SCRIB: variants seen among roughly 807,000 people sequenced by gnomAD.
SCRIB encodes scribble planar cell polarity protein, also known as protein scribble homolog.
A neutral mutation model predicts 170.0 loss-of-function variants in SCRIB; 72 were observed. That is an observed-to-expected ratio of 0.42 (90% CI 0.35 to 0.52). The LOEUF is 0.52. SCRIB is among the 20% of genes least tolerant of loss of function. SCRIB has a pLI of 0.02. For missense variants in SCRIB, 2,475 were observed against 2,338.5 expected, an observed-to-expected ratio of 1.06 and a Z score of -1.20; for synonymous variants, 1,298 against 1,044.3, an observed-to-expected ratio of 1.24 and a Z score of -4.68.
rs2130052975 is a variant in SCRIB, at chr8:143,801,707, G to A, written c.3603+1676C>T. Among the ~76,000 whole-genome samples the A allele has an allele frequency of 1.3e-5, 2 of 152,344 alleles. 1 individual carries two copies. Among genetic ancestry groups the A allele is most frequent in the South Asian group, 4.1e-4 (2 of 4,828 alleles). ...CGGGAAGACGGAAGGACATGGGAAA[G>A]AGGTAGCAGTGACGGGGAAGGGGAG... On this transcript the variant is annotated intron_variant, in intron 24 of 36. Transcript: ENST00000356994.
rs1554636030 is a variant in SCRIB at position 143,804,901 on chromosome 8, G to A, written c.2751+33C>T. ...GGGCGCGGGGCGGGGCAGGGGGGAT[G>A]GGTGGGTGGGGCGGGGCCCCATCCC... On this transcript the variant is annotated intron_variant, in intron 20 of 36. Coordinates refer to ENST00000356994, the MANE Select transcript of SCRIB (RefSeq NM_182706.5). 4.6e-6 allele frequency: 7 copies of A among 1,526,178 alleles called. 1 individual carries two copies. In the South Asian group the frequency reaches 8.4e-5, roughly 18 times the overall value. The allele number at this position is 1,526,178 out of a possible 1,614,324, so 94.5% of individuals were successfully genotyped here.
intron 27 of SCRIB, among the ~76,000 whole-genome samples, chr8:143,794,681 G>C (rs1814863077): frequency 6.6e-6 from 1 of 151,762 alleles, no homozygotes; most frequent in Admixed American, 6.6e-5. Context: ...TCCCCTTGGG[G>C]ACATGTGCCT....
chr8:143,813,580 G>C, intron 4 of SCRIB, 54 bp from the exon 5 acceptor site: 1 of 1,612,344 alleles, frequency 6.2e-7, no homozygotes, highest in Admixed American at 1.7e-5. Flanking sequence ...TGGCAGCAGG[G>C]GCAGGGCCAA....
chr8:143,808,776 G>A lies in SCRIB; in HGVS notation c.1948C>T (p.His650Tyr), dbSNP rs1387406802. The A allele has an allele frequency of 4.3e-6, 7 of 1,610,816 alleles. No homozygotes were observed. Among genetic ancestry groups the A allele is most frequent in the Non-Finnish European group, 5.1e-6 (6 of 1,178,342 alleles). Residue 650 changes from histidine (H) to tyrosine (Y), a missense_variant, in exon 15 of 37, where the codon CAC becomes TAC. By Grantham distance (83) the His-to-Tyr change is moderately conservative. Around this residue, in one of 3 missense-constraint regions of SCRIB, gnomAD observed 1,966 missense variants for 1,742.9 expected, o/e 1.13. Transcript: ENST00000356994. ...VAPGGWHNGP[H>Y]APWAPRAQKE... is the part of the protein sequence containing the mutation. ...TGGGCCCGAGGAGCCCAGGGTGCGT[G>A]GGGGCCATTGTGCCAGCCCCCGGGA...
At position 143,791,829 on chromosome 8, in the gene SCRIB, C is replaced by T. The variant is rs782186216; in HGVS notation, c.4695+47G>A. ...GGGGTGGGGGCAGGCCAGACCCCAC[C>T]CCCATGCCTCGGGGGTGAAGGGAAG... On this transcript the variant is annotated intron_variant, in intron 34 of 36. Coordinates refer to ENST00000356994, the MANE Select transcript of SCRIB (RefSeq NM_182706.5). The T allele has an allele frequency of 2.4e-5, 37 of 1,526,206 alleles. 1 individual carries two copies. Among genetic ancestry groups the T allele is most frequent in the African/African-American group, 1.9e-4 (14 of 72,058 alleles). The allele number at this position is 1,526,206 out of a possible 1,614,324, so 94.5% of individuals were successfully genotyped here.
Position 143,807,624 on chromosome 8 carries a change from C to A in SCRIB, c.2116-10G>T. ...GGTCAAACGACACTCCCTGTTAGGA[C>A]AGGACCAGTGAGGCATGCAGGTTAG... On this transcript the variant is annotated splice_polypyrimidine_tract_variant and intron_variant, in intron 15 of 36. Transcript: ENST00000356994. 1 of 1,612,990 alleles carries A rather than the reference C, an allele frequency of 6.2e-7. No homozygotes were observed. The highest frequency in any genetic ancestry group is 1.1e-5 in the South Asian group (1 of 91,054).
rs1554632463 is a variant in SCRIB, at chr8:143,791,130, C to T, written c.*33G>A. 10 of 1,384,608 alleles carry T rather than the reference C, an allele frequency of 7.2e-6. No individual in the cohort carries two copies. Among genetic ancestry groups the T allele is most frequent in the South Asian group, 3.8e-5 (2 of 52,524 alleles). The allele number at this position is 1,384,608 out of a possible 1,614,324, so 85.8% of individuals were successfully genotyped here. On this transcript the variant is annotated 3_prime_UTR_variant, in exon 37 of 37. Coordinates refer to ENST00000356994, the MANE Select transcript of SCRIB (RefSeq NM_182706.5). ...GGGTGGTGCTGGAGCTGGCAGGGCC[C>T]CCACCCCAAGTCTGGGGGAGGTGCC...
At chr8:143,805,527 G>A (rs1213311697) in intron 18 of SCRIB, 92 bp from the exon 19 acceptor site, 2 of 1,284,844 alleles carry the variant, frequency 1.6e-6, no homozygotes, top group Admixed American at 3.0e-5. Context: ...CCAGGATGGG[G>A]AGACTGAGGC....
intron 24 of SCRIB, among the ~76,000 whole-genome samples, chr8:143,800,345 T>C (rs974017143): frequency 1.3e-5 from 2 of 151,680 alleles, no homozygotes; most frequent in Non-Finnish European, 2.9e-5. Flanking sequence ...TGTAAGAGAG[T>C]CTACAGCAAA....
In SCRIB at chr8:143,810,597, T is replaced by C. The variant is rs1815663950; in HGVS notation, c.1412A>G (p.Gln471Arg). The change falls in exon 13 of 37, where the codon CAG (glutamine) becomes CGG (arginine). Residue 471 changes from glutamine (Q) to arginine (R), a missense_variant. By Grantham distance (43) the Gln-to-Arg change is conservative (BLOSUM62 1). Transcript: ENST00000356994. ...GCTGGGGTGAGGTGTGGCCCGGCGC[T>C]GTAGGCCCTGTTGTAGGGACAAGGA... ...EEAAAEKRGL[Q>R]RRATPHPSEL... The C allele has an allele frequency of 1.2e-6, 2 of 1,613,432 alleles. No individual in the cohort carries two copies. Among genetic ancestry groups the C allele is most frequent in the Non-Finnish European group, 8.5e-7 (1 of 1,179,792 alleles).
At position 143,808,749 on chromosome 8, in the gene SCRIB, T is replaced by C. The variant is rs1316739142; in HGVS notation, c.1975A>G (p.Lys659Glu). The C allele has an allele frequency of 8.7e-6, 14 of 1,605,422 alleles. No homozygotes were observed. The highest frequency in any genetic ancestry group is 1.7e-4 in the Middle Eastern group (1 of 6,032). Residue 659 changes from lysine (K) to glutamate (E), a missense_variant, in exon 15 of 37, where the codon AAG becomes GAG. Physicochemically the swap from Lys to Glu is moderately conservative, Grantham distance 56 (BLOSUM62 1). Coordinates refer to ENST00000356994, the MANE Select transcript of SCRIB (RefSeq NM_182706.5). ...PHAPWAPRAQ[K>E]EEEEEEEGSP... ...CCCTCTTCCTCCTCCTCCTCCTCCT[T>C]CTGGGCCCGAGGAGCCCAGGGTGCG...
chr8:143,805,544 C>T (rs1215772508), intron 18 of SCRIB, 109 bp from the exon 19 acceptor site: 12 of 1,139,036 alleles, frequency 1.1e-5, no homozygotes, highest in African/African-American at 3.3e-5. Context: ...AGGCACAGGG[C>T]GAGGGGAAAG....
chr8:143,812,710 C>A, intron 8 of SCRIB, 107 bp downstream of exon 8: 1 of 1,435,434 alleles, frequency 7.0e-7, no homozygotes, highest in Admixed American at 1.9e-5. Flanking sequence ...CCTGGGCACA[C>A]TCAGGATCCT....
chr8:143,804,190 G>C (rs375857346), intron 21 of SCRIB, 34 bp from the exon 22 acceptor site: 3 of 1,487,422 alleles, frequency 2.0e-6, no homozygotes, highest in Admixed American at 1.9e-5. Flanking sequence ...GACAGGCCTC[G>C]GTCAGGACAG....
rs142758715 is a variant in SCRIB, at chr8:143,793,468, G to A, written c.3910-385C>T. The A allele has an allele frequency of 9.2e-3, 2,732 of 295,824 alleles. 41 individuals are homozygous for A. Among genetic ancestry groups the A allele is most frequent in the Non-Finnish European group, 0.014 (2,238 of 159,066 alleles). The allele number at this position is 295,824 out of a possible 1,614,324, so 18.3% of individuals were successfully genotyped here. Reference sequence around the variant, plus strand: ...GAGACCGACCAACCTGGGTGGGGCTGACATCTTGCCTGTGAGGGGCTGAGC... The same window carrying A: ...GAGACCGACCAACCTGGGTGGGGCTAACATCTTGCCTGTGAGGGGCTGAGC... On this transcript the variant is annotated intron_variant, in intron 28 of 36. Coordinates refer to ENST00000356994, the MANE Select transcript of SCRIB (RefSeq NM_182706.5).
intron 1 of SCRIB, 124 bp from the exon 2 acceptor site, chr8:143,814,242 G>A (rs1586536231): frequency 5.2e-6 from 4 of 764,986 alleles, no homozygotes; most frequent in East Asian, 5.4e-5. Flanking sequence ...GTCACACCGG[G>A]TCCTGGGGTC....
At chr8:143,809,452 C>G in intron 14 of SCRIB, 99 bp downstream of exon 14, 4 of 1,340,278 alleles carry the variant, frequency 3.0e-6, no homozygotes, top group Non-Finnish European at 4.1e-6. Flanking sequence ...AGGGCCCAGG[C>G]ACTGCCTGCA....
chr8:143,812,518 C>G (rs1815787143), intron 8 of SCRIB, 134 bp from the exon 9 acceptor site: 2 of 658,044 alleles, frequency 3.0e-6, no homozygotes, highest in Non-Finnish European at 5.0e-6. Flanking sequence ...TCGGGAGGAC[C>G]CTACCTACCT....
chr8:143,814,648 C>T (rs533989160), intron 1 of SCRIB, among the ~76,000 whole-genome samples: 1 of 152,354 alleles, frequency 6.6e-6, no homozygotes, highest in Non-Finnish European at 1.5e-5. Flanking sequence ...ACACCCAACC[C>T]CTAGGTACTG....
Sources: gnomAD v4.1 joint callset for allele counts (sites outside exome capture counted in the v4.1 genomes callset) on GRCh38, gnomAD v4.1.1 for gene constraint, gnomAD v4.1.1 regional missense constraint, MANE v1.5 for transcripts, NCBI Gene and HGNC (gene_info 2026-07-23, HGNC 2026-07-21) for gene names.